The following CLSTN2 variants were observed in gnomAD, a reference collection of about 807,000 sequenced individuals.
CLSTN2 encodes calsyntenin 2.
Under a neutral mutation model 101.2 loss-of-function variants are expected in CLSTN2, and 48 were observed. The ratio of observed to expected loss-of-function variants is 0.47; its 90% CI spans 0.38 to 0.60. CLSTN2 has a LOEUF of 0.60. CLSTN2 is among the 20% of genes least tolerant of loss of function. The pLI is 0.00. For synonymous variants in CLSTN2, 481 were observed against 463.6 expected (o/e 1.04, Z -0.48); for missense variants, 1,160 against 1,238.2 (o/e 0.94, Z 0.95).
At chr3:140,074,327 G>A (rs566933524) in intron 1 of CLSTN2, among the ~76,000 whole-genome samples, 11 of 152,254 alleles carry the variant, frequency 7.2e-5, no homozygotes, top group African/African-American at 2.2e-4. Flanking sequence ...CAGAGGGCCC[G>A]GTTTGGCATG....
At chr3:140,127,507 G>A (rs531752383) in intron 1 of CLSTN2, among the ~76,000 whole-genome samples, 4 of 152,122 alleles carry the variant, frequency 2.6e-5, no homozygotes, top group African/African-American at 9.7e-5. Flanking sequence ...ACCAACTGAC[G>A]ACAGGGGCGG....
chr3:140,394,035 G>C (rs1488138503), intron 2 of CLSTN2, among the ~76,000 whole-genome samples: 1 of 152,156 alleles, frequency 6.6e-6, no homozygotes, highest in Admixed American at 6.5e-5. Context: ...AAGGGAAAGG[G>C]CACAACAGCA....
intron 1 of CLSTN2, among the ~76,000 whole-genome samples, chr3:140,134,045 T>A (rs1394213653): frequency 1.3e-5 from 2 of 152,110 alleles, no homozygotes; most frequent in African/African-American, 4.8e-5. Context: ...GGATGGAATA[T>A]CTCCTCCCTC....
chr3:140,095,876 A>G (rs1490089152), intron 1 of CLSTN2, among the ~76,000 whole-genome samples: 1 of 152,128 alleles, frequency 6.6e-6, no homozygotes, highest in Non-Finnish European at 1.5e-5. Flanking sequence ...CAAGTAATTG[A>G]GTTACAAGCT....
At chr3:140,424,252 T>C (rs2088537405) in intron 5 of CLSTN2, among the ~76,000 whole-genome samples, 1 of 152,208 alleles carries the variant, frequency 6.6e-6, no homozygotes, top group African/African-American at 2.4e-5. Context: ...ATCCAGAGTC[T>C]GGGATGTCCT....
chr3:140,251,346 G>T (rs2086561721), intron 2 of CLSTN2, among the ~76,000 whole-genome samples: 1 of 152,108 alleles, frequency 6.6e-6, no homozygotes, highest in South Asian at 2.1e-4. Context: ...AGTGCTATGG[G>T]CTGTATGATT....
At chr3:140,309,494 C>T (rs2087144887) in intron 2 of CLSTN2, among the ~76,000 whole-genome samples, 1 of 152,002 alleles carries the variant, frequency 6.6e-6, no homozygotes, top group Non-Finnish European at 1.5e-5. Context: ...AGGAGTGGGG[C>T]TAGTCTTACC....
At chr3:140,307,990 C>T (rs967559082) in intron 2 of CLSTN2, among the ~76,000 whole-genome samples, 2 of 152,176 alleles carry the variant, frequency 1.3e-5, no homozygotes, top group Non-Finnish European at 2.9e-5. Context: ...GCACAACAGT[C>T]GGCCTCAATA....
intron 1 of CLSTN2, among the ~76,000 whole-genome samples, chr3:139,961,799 T>TA (rs1170829500): frequency 6.6e-6 from 1 of 152,202 alleles, no homozygotes; most frequent in Non-Finnish European, 1.5e-5. Flanking sequence ...ATTAAAAGAT[T>TA]AAAAATGAAT....
intron 2 of CLSTN2, among the ~76,000 whole-genome samples, chr3:140,359,900 C>T (rs1364592671): frequency 1.3e-5 from 2 of 151,620 alleles, no homozygotes; most frequent in African/African-American, 2.4e-5. Context: ...TCAGCAGATA[C>T]AGATATAAAT....
intron 2 of CLSTN2, among the ~76,000 whole-genome samples, chr3:140,241,643 A>G (rs146870897): frequency 2.0e-5 from 3 of 152,110 alleles, no homozygotes; most frequent in Non-Finnish European, 4.4e-5. Context: ...AGGCACTTGT[A>G]TACCAAGGAT....
chr3:140,384,249 C>T (rs1269605002), intron 2 of CLSTN2, among the ~76,000 whole-genome samples: 23 of 152,234 alleles, frequency 1.5e-4, no homozygotes, highest in Non-Finnish European at 1.2e-4. Flanking sequence ...GCACGTTCCA[C>T]TCCACCATTT....
chr3:140,317,960 G>A (rs1026177122), intron 2 of CLSTN2, among the ~76,000 whole-genome samples: 9 of 152,306 alleles, frequency 5.9e-5, no homozygotes, highest in Non-Finnish European at 8.8e-5. Context: ...AATAGTGCCC[G>A]CTGGTGTCAT....
At chr3:139,984,116 C>A (rs1456797828) in intron 1 of CLSTN2, among the ~76,000 whole-genome samples, 2 of 152,140 alleles carry the variant, frequency 1.3e-5, no homozygotes, top group South Asian at 2.1e-4. Context: ...CAAAAATACT[C>A]ATCATGGGAC....
intron 2 of CLSTN2, among the ~76,000 whole-genome samples, chr3:140,378,474 A>C (rs2087943860): frequency 6.6e-6 from 1 of 152,258 alleles, no homozygotes; most frequent in Admixed American, 6.5e-5. Flanking sequence ...CCATAGGTGA[A>C]GAGTGTTCTA....
intron 2 of CLSTN2, among the ~76,000 whole-genome samples, chr3:140,311,602 G>A (rs898443351): frequency 4.0e-5 from 6 of 151,758 alleles, no homozygotes; most frequent in Admixed American, 6.6e-5. Context: ...CACCGCGCCC[G>A]GCCAGATTTA....
rs142682968 is a variant in CLSTN2 at position 140,509,230 on chromosome 3, G to A, written c.1345-23094G>A. Among the ~76,000 whole-genome samples the A allele has an allele frequency of 1.9e-3, 291 of 152,256 alleles. 1 individual carries two copies. The highest frequency in any genetic ancestry group is 0.01 in the Middle Eastern group (3 of 294). On this transcript the variant is annotated intron_variant, in intron 8 of 16. Coordinates refer to ENST00000458420, the MANE Select transcript of CLSTN2 (RefSeq NM_022131.3). ...GGTACATAGCAGGAGGACAAATGTG[G>A]TCCAAAAATTTGGTAAACGGTCTAC... is the stretch of plus-strand genomic sequence containing the variant.
intron 1 of CLSTN2, among the ~76,000 whole-genome samples, chr3:139,936,836 A>G (rs1576369452): frequency 6.6e-6 from 1 of 151,578 alleles, no homozygotes; most frequent in East Asian, 1.9e-4. Flanking sequence ...AATATTTTAT[A>G]AGCAGGCATT....
At chr3:140,471,838 A>G (rs1933856215) in intron 8 of CLSTN2, among the ~76,000 whole-genome samples, 1 of 152,362 alleles carries the variant, frequency 6.6e-6, no homozygotes. Context: ...TCAGATTTCT[A>G]TGTAAAATTT....
Sources: allele counts gnomAD v4.1 joint callset (sites outside exome capture counted in the v4.1 genomes callset), GRCh38; gene constraint gnomAD v4.1.1; transcripts MANE v1.5; gene names NCBI Gene and HGNC (gene_info 2026-07-23, HGNC 2026-07-21).